PRKG1: variants seen among roughly 807,000 people sequenced by gnomAD.
The protein encoded by PRKG1 is protein kinase cGMP-dependent 1.
Under a neutral mutation model 88.1 loss-of-function variants are expected in PRKG1, and 35 were observed. The observed-to-expected ratio is 0.40, with a 90% confidence interval of 0.30 to 0.53. The LOEUF is 0.53. Among genes scored for constraint, PRKG1 ranks in the 20% least tolerant of loss-of-function variants. The pLI is 0.59. For synonymous variants in PRKG1, 303 were observed against 292.5 expected, an observed-to-expected ratio of 1.04 and a Z score of -0.37; for missense variants, 540 against 839.8, an observed-to-expected ratio of 0.64 and a Z score of 4.41.
At chr10:52,228,833 A>G (rs953119629) in intron 9 of PRKG1, among the ~76,000 whole-genome samples, 1 of 152,208 alleles carries the variant, frequency 6.6e-6, no homozygotes, top group Non-Finnish European at 1.5e-5. Context: ...CACTGGGCAG[A>G]AGTGGGTGGT....
At chr10:52,133,779 A>G (rs17642863) in intron 7 of PRKG1, 61 bp from the exon 8 acceptor site, 4 of 1,378,688 alleles carry the variant, frequency 2.9e-6, no homozygotes, top group African/African-American at 1.4e-5. Flanking sequence ...ATTAATCACA[A>G]TGGACACTGT....
rs10997612 is a variant in PRKG1, at chr10:51,453,366, T to G, written c.479-14357T>G. Among the ~76,000 whole-genome samples, 29 of 152,164 alleles carry G rather than the reference T, an allele frequency of 1.9e-4. No homozygotes were observed. In the East Asian group the frequency reaches 5.6e-3, roughly 29 times the overall value. On this transcript the variant is annotated intron_variant, in intron 2 of 17. Transcript: ENST00000373980. The stretch of plus-strand genomic sequence containing the variant: ...TGATTCTGCTGGATTTGGGTTTGGT[T>G]TGTTCCTGTTTCTCTAGTTCCTTGA...
At chr10:51,642,104 G>C (rs1038269605) in intron 3 of PRKG1, among the ~76,000 whole-genome samples, 1 of 152,114 alleles carries the variant, frequency 6.6e-6, no homozygotes, top group Non-Finnish European at 1.5e-5. Flanking sequence ...ATTTAAAATA[G>C]AACTTGGCTG....
chr10:52,234,168 C>T (rs1464520051), intron 9 of PRKG1, among the ~76,000 whole-genome samples: 2 of 152,140 alleles, frequency 1.3e-5, no homozygotes, highest in East Asian at 1.9e-4. Flanking sequence ...ATCTGTACAT[C>T]ACCATCATCA....
At chr10:52,061,264 T>C (rs1164922863) in intron 6 of PRKG1, among the ~76,000 whole-genome samples, 1 of 152,098 alleles carries the variant, frequency 6.6e-6, no homozygotes, top group Non-Finnish European at 1.5e-5. Flanking sequence ...TTGAATTTCC[T>C]CCACCTTACA....
intron 1 of PRKG1, among the ~76,000 whole-genome samples, chr10:51,042,079 G>A (rs1843431980): frequency 6.6e-6 from 1 of 152,130 alleles, no homozygotes; most frequent in Non-Finnish European, 1.5e-5. Flanking sequence ...ACACCTGTAA[G>A]CCCAGCTCAT....
chr10:52,121,871 AT>A (rs34780167), intron 7 of PRKG1, among the ~76,000 whole-genome samples: 1 of 152,010 alleles, frequency 6.6e-6, no homozygotes, highest in Non-Finnish European at 1.5e-5. Context: ...AGCAGTCTCG[AT>A]TTTTTTCCTG....
chr10:51,434,076 T>C (rs1277871482), intron 2 of PRKG1, among the ~76,000 whole-genome samples: 2 of 152,178 alleles, frequency 1.3e-5, no homozygotes, highest in Admixed American at 1.3e-4. Context: ...TTTTCCCCAG[T>C]GCATTGCAAC....
chr10:51,793,125 G>T (rs1316667865), intron 3 of PRKG1, among the ~76,000 whole-genome samples: 1 of 113,148 alleles, frequency 8.8e-6, no homozygotes, highest in Non-Finnish European at 1.7e-5. Flanking sequence ...TTTTAAAGAA[G>T]GTCAGCACAC....
intron 9 of PRKG1, among the ~76,000 whole-genome samples, chr10:52,166,825 ATATGTATATATATG>A (rs1564498517): frequency 0.11 from 293 of 2,670 alleles, 13 homozygotes; most frequent in Non-Finnish European, 0.37. Context: ...ATATGTATAT[ATATGTATATATATG>A]TATATATATG....
intron 2 of PRKG1, among the ~76,000 whole-genome samples, chr10:51,272,363 G>C (rs1840004377): frequency 2.6e-5 from 4 of 152,038 alleles, no homozygotes; most frequent in African/African-American, 4.8e-5. Flanking sequence ...TCGTGGGGTG[G>C]GGGGCTAGGG....
At position 51,310,138 on chromosome 10, in the gene PRKG1, G is replaced by A. The variant is rs1357169912; in HGVS notation, c.478+156808G>A. Among the ~76,000 whole-genome samples the A allele has an allele frequency of 2.0e-5, 3 of 151,988 alleles. No individual in the cohort carries two copies. The East Asian group carries it at 5.8e-4, about 29-fold the overall frequency. The stretch of plus-strand genomic sequence containing the variant: ...GTAGATGTTGAGAAATTACCTAATG[G>A]GTATAATGTACATTGTTCAGGTGAT... On this transcript the variant is annotated intron_variant, in intron 2 of 17. Transcript: ENST00000373980.
intron 7 of PRKG1, among the ~76,000 whole-genome samples, chr10:52,076,964 T>C (rs1002471484): frequency 1.3e-5 from 2 of 151,064 alleles, no homozygotes; most frequent in African/African-American, 4.8e-5. Context: ...GAGTATAAAA[T>C]AGTACAACAA....
At chr10:51,762,229 A>G (rs1288616313) in intron 3 of PRKG1, among the ~76,000 whole-genome samples, 1 of 152,190 alleles carries the variant, frequency 6.6e-6, no homozygotes, top group Non-Finnish European at 1.5e-5. Context: ...GTTTCTCATA[A>G]TACCTTACAA....
At chr10:51,000,112 T>G (rs1208370449) in intron 1 of PRKG1, among the ~76,000 whole-genome samples, 1 of 152,250 alleles carries the variant, frequency 6.6e-6, no homozygotes. Flanking sequence ...TGCTTTACTC[T>G]GGCAGGTTTA....
intron 3 of PRKG1, among the ~76,000 whole-genome samples, chr10:51,782,326 A>T (rs1007899673): frequency 1.3e-5 from 2 of 152,070 alleles, no homozygotes; most frequent in African/African-American, 4.8e-5. Flanking sequence ...AGCCAAGGAG[A>T]TCTGTACACA....
chr10:51,756,839 A>C (rs1837879792), intron 3 of PRKG1, among the ~76,000 whole-genome samples: 1 of 151,686 alleles, frequency 6.6e-6, no homozygotes, highest in Non-Finnish European at 1.5e-5. Context: ...AAATAAATAA[A>C]ATAATAATTA....
At chr10:51,167,097 G>A (rs192319640) in intron 2 of PRKG1, among the ~76,000 whole-genome samples, 2 of 152,230 alleles carry the variant, frequency 1.3e-5, no homozygotes, top group East Asian at 3.9e-4. Context: ...GGTGATGGTG[G>A]CAGGGGAAAA....
intron 3 of PRKG1, among the ~76,000 whole-genome samples, chr10:51,616,967 C>A (rs1839073973): frequency 6.6e-6 from 1 of 152,116 alleles, no homozygotes. Context: ...GACAGTAGGC[C>A]ATCTGTTGGT....
Sources: gnomAD v4.1 joint callset for allele counts (sites outside exome capture counted in the v4.1 genomes callset) on GRCh38, gnomAD v4.1.1 for gene constraint, MANE v1.5 for transcripts, NCBI Gene and HGNC (gene_info 2026-07-23, HGNC 2026-07-21) for gene names.